ADGRE3: variants seen among roughly 807,000 people sequenced by gnomAD.
ADGRE3 encodes the protein adhesion G protein-coupled receptor E3.
Under a neutral mutation model 80.1 loss-of-function variants are expected in ADGRE3, and 88 were observed. The ratio of observed to expected loss-of-function variants is 1.10; its 90% CI spans 0.93 to 1.31. ADGRE3 has a LOEUF of 1.31. ADGRE3 is among the 40% of genes most tolerant of loss of function. ADGRE3 has a pLI of 0.00. For missense variants in ADGRE3, 715 were observed against 776.5 expected, an observed-to-expected ratio of 0.92 and a Z score of 0.94; for synonymous variants, 281 against 294.8, an observed-to-expected ratio of 0.95 and a Z score of 0.48.
rs2146794377 is a variant in ADGRE3, at chr19:14,621,897, T to C, written c.1921-2426A>G. On this transcript the variant is annotated intron_variant, in intron 15 of 15. Transcript: ENST00000253673. ...TCCACAACATGAACCATGACCTCGT[T>C]GTTCCCATTCACTGAATACGTAAAA... 25 of 1,040,484 alleles carry C rather than the reference T, an allele frequency of 2.4e-5. 8 individuals carry two copies. The highest frequency in any genetic ancestry group is 3.2e-5 in the Non-Finnish European group (24 of 745,950). The allele number at this position is 1,040,484 out of a possible 1,614,324, so 64.5% of individuals were successfully genotyped here. A position where few individuals can be genotyped will look rare whatever the true frequency, so the allele number is the denominator to read the frequency against.
At chr19:14,646,321 C>T (rs1405359932) in intron 8 of ADGRE3, among the ~76,000 whole-genome samples, 1 of 152,182 alleles carries the variant, frequency 6.6e-6, no homozygotes, top group Non-Finnish European at 1.5e-5. Context: ...TGGGGTTTCA[C>T]GAAGTTGGCC....
At chr19:14,672,075 A>T (rs1972273501) in intron 1 of ADGRE3, among the ~76,000 whole-genome samples, 1 of 152,148 alleles carries the variant, frequency 6.6e-6, no homozygotes, top group Non-Finnish European at 1.5e-5. Flanking sequence ...TGTAGCAGCC[A>T]CACAAACCTT....
chr19:14,648,554 A>G (rs777286407), intron 7 of ADGRE3, among the ~76,000 whole-genome samples: 6 of 152,078 alleles, frequency 3.9e-5, no homozygotes, highest in Non-Finnish European at 8.8e-5. Context: ...CCTCTTACCT[A>G]CTGTGATAGT....
chr19:14,621,317 T>C (rs935893322), intron 15 of ADGRE3, among the ~76,000 whole-genome samples: 1 of 150,150 alleles, frequency 6.7e-6, no homozygotes, highest in African/African-American at 2.4e-5. Flanking sequence ...TAGCCGGGTG[T>C]GGTGGCGGGC....
the ADGRE3 span, among the ~76,000 whole-genome samples, chr19:14,611,625 A>G: frequency 6.6e-6 from 1 of 152,134 alleles, no homozygotes; most frequent in Admixed American, 6.6e-5. Flanking sequence ...TAACCTGGTC[A>G]TATCCACACA....
chr19:14,613,601 A>C, the ADGRE3 span, among the ~76,000 whole-genome samples: 1 of 152,136 alleles, frequency 6.6e-6, no homozygotes, highest in Admixed American at 6.6e-5. Context: ...GACTGTGAGG[A>C]GAGCAGGTGG....
At chr19:14,609,318 T>C in the ADGRE3 span, among the ~76,000 whole-genome samples, 1 of 151,872 alleles carries the variant, frequency 6.6e-6, no homozygotes, top group Admixed American at 6.6e-5. Flanking sequence ...GAGGCTAGAG[T>C]CATCTGAGTC....
intron 4 of ADGRE3, among the ~76,000 whole-genome samples, 198 bp downstream of exon 4, chr19:14,661,765 T>G (rs989424285): frequency 7.2e-5 from 11 of 152,146 alleles, no homozygotes; most frequent in African/African-American, 2.7e-4. Flanking sequence ...CTGGGCGTCG[T>G]GGTGCACGTC....
At chr19:14,606,137 G>C in the ADGRE3 span, among the ~76,000 whole-genome samples, 1 of 151,850 alleles carries the variant, frequency 6.6e-6, no homozygotes. Flanking sequence ...GCAGATTAAG[G>C]CTACCGAGTA....
At chr19:14,627,437 G>A (rs1340795599) in intron 14 of ADGRE3, among the ~76,000 whole-genome samples, 1 of 152,140 alleles carries the variant, frequency 6.6e-6, no homozygotes, top group Non-Finnish European at 1.5e-5. Context: ...GAATGCAATG[G>A]TGTGATCTCA....
At position 14,625,415 on chromosome 19, in the gene ADGRE3, A is replaced by G. The variant is rs2146802054; in HGVS notation, c.1920+77T>C. 5.1e-6 allele frequency: 5 copies of G among 978,706 alleles called. No individual in the cohort carries two copies. In the South Asian group the frequency reaches 7.0e-5, roughly 14 times the overall value. The allele number at this position is 978,706 out of a possible 1,614,324, so 60.6% of individuals were successfully genotyped here. ...AAAACAAAAACAAACAAACAAAAAA[A>G]TCCCAAACTAGAGGAAGTTTGCAGT... On this transcript the variant is annotated intron_variant, in intron 15 of 15. Coordinates refer to ENST00000253673, the MANE Select transcript of ADGRE3 (RefSeq NM_032571.5).
At chr19:14,618,320 C>T (rs562252078), downstream of ADGRE3, among the ~76,000 whole-genome samples, 28 of 150,980 alleles carry the variant, frequency 1.9e-4, no homozygotes, top group Admixed American at 2.6e-4. Flanking sequence ...TGGGAGGCCC[C>T]GGCAGGTGGA....
At chr19:14,605,133 T>C in the ADGRE3 span, among the ~76,000 whole-genome samples, 1 of 151,776 alleles carries the variant, frequency 6.6e-6, no homozygotes, top group African/African-American at 2.4e-5. Flanking sequence ...TTTCGCTTTT[T>C]GTTGCCCAGG....
At chr19:14,667,012 C>T (rs995665760) in intron 2 of ADGRE3, among the ~76,000 whole-genome samples, 2 of 152,062 alleles carry the variant, frequency 1.3e-5, no homozygotes, top group Admixed American at 6.6e-5. Context: ...AAGATGAGGT[C>T]GTACTGGAGT....
chr19:14,659,030 G>C (rs1226862704), intron 4 of ADGRE3, among the ~76,000 whole-genome samples: 2 of 142,756 alleles, frequency 1.4e-5, no homozygotes, highest in Admixed American at 7.0e-5. Context: ...ATCGCACCTG[G>C]CTTTTTTTTT....
the ADGRE3 span, chr19:14,610,378 C>T: frequency 6.4e-6 from 5 of 783,644 alleles, no homozygotes; most frequent in East Asian, 2.8e-5. Flanking sequence ...AGAGTGAGGA[C>T]TTGGGCTTGC....
At position 14,661,985 on chromosome 19, in the gene ADGRE3, A is replaced by T; in HGVS notation, c.333T>A (p.Asn111Lys). The change falls in exon 4 of 16, where the codon AAT (asparagine) becomes AAA (lysine). Residue 111 changes from asparagine (N) to lysine (K), a missense_variant. Transcript: ENST00000253673. The stretch of plus-strand genomic sequence containing the variant: ...TACCCTGACAGGTGTTCTCATTGGA[A>T]TTACTGAATTGTTCATTCCCAGAAT... ...RLHSGNEQFS[N>K]SNENTCQDTT... The T allele has an allele frequency of 6.2e-7, 1 of 1,614,218 alleles. No homozygotes were observed.
chr19:14,627,853 G>A lies in ADGRE3; in HGVS notation c.1812+2186C>T, dbSNP rs1436501218. Among the ~76,000 whole-genome samples, 4 of 152,184 alleles carry A rather than the reference G, an allele frequency of 2.6e-5. 1 individual carries two copies. In the South Asian group the frequency reaches 8.3e-4, roughly 32 times the overall value. ...CTTTAAAAACTGGATGCTAGGCCAGGCACGATGGCTCACGCCTGTAATCCC... is the reference window on the plus strand; with the variant it reads ...CTTTAAAAACTGGATGCTAGGCCAGACACGATGGCTCACGCCTGTAATCCC... On this transcript the variant is annotated intron_variant, in intron 14 of 15. Transcript: ENST00000253673.
At chr19:14,610,263 C>T in the ADGRE3 span, 144 of 1,533,208 alleles carry the variant, frequency 9.4e-5, no homozygotes, top group Middle Eastern at 1.9e-4. Flanking sequence ...CCTGCCCTTT[C>T]GTGGACGGCC....
Sources: gnomAD v4.1 joint callset for allele counts (sites outside exome capture counted in the v4.1 genomes callset) on GRCh38, gnomAD v4.1.1 for gene constraint, MANE v1.5 for transcripts, NCBI Gene and HGNC (gene_info 2026-07-23, HGNC 2026-07-21) for gene names.